Variants in CWH43 observed in about 807,000 individuals in gnomAD.
The protein encoded by CWH43 is cell wall biogenesis 43 C-terminal homolog, also known as PGAP2-interacting protein.
In CWH43, 91 loss-of-function variants were observed where a neutral mutation model predicts 85.7. The ratio of observed to expected loss-of-function variants is 1.06; its 90% CI spans 0.90 to 1.26. The LOEUF (loss-of-function observed/expected upper bound fraction) is 1.26, where lower values mean the gene tolerates loss of function less well. Ranked by LOEUF, CWH43 falls within the 50% of genes most tolerant of loss-of-function variation. The pLI, the probability that CWH43 is intolerant of heterozygous loss-of-function variation, is 0.00. For missense variants in CWH43, 869 were observed against 839.2 expected, an observed-to-expected ratio of 1.04 and a Z score of -0.44; for synonymous variants, 323 against 293.6, an observed-to-expected ratio of 1.10 and a Z score of -1.02.
chr4:48,988,328 C>T, intron 1 of CWH43, 149 bp from the exon 2 acceptor site: 2 of 473,946 alleles, frequency 4.2e-6, no homozygotes, highest in Non-Finnish European at 7.3e-6. Context: ...TGTTTTGTTC[C>T]ATGTCAGTGG....
intron 6 of CWH43, among the ~76,000 whole-genome samples, chr4:49,002,657 A>G (rs1783026712): frequency 6.6e-6 from 1 of 152,208 alleles, no homozygotes; most frequent in African/African-American, 2.4e-5. Flanking sequence ...GAATCTAGGT[A>G]TTTGAAATCT....
chr4:48,997,019 T>C (rs1268290980), intron 5 of CWH43, among the ~76,000 whole-genome samples: 2 of 152,242 alleles, frequency 1.3e-5, no homozygotes, highest in Non-Finnish European at 2.9e-5. Context: ...TCCCTTTCTT[T>C]GTGCTTCACA....
intron 8 of CWH43, among the ~76,000 whole-genome samples, chr4:49,007,861 C>CA (rs1553913720): frequency 6.6e-6 from 1 of 152,170 alleles, no homozygotes; most frequent in Non-Finnish European, 1.5e-5. Context: ...TTTCTTAATC[C>CA]AGTCTATCAT....
chr4:49,031,313 C>T (rs1482325609), intron 11 of CWH43: 3 of 174,420 alleles, frequency 1.7e-5, no homozygotes, highest in Non-Finnish European at 3.6e-5. Flanking sequence ...TCATGATAAG[C>T]GCTGTGTAGA....
At chr4:49,051,671 G>T (rs1356009516) in intron 15 of CWH43, among the ~76,000 whole-genome samples, 3 of 152,050 alleles carry the variant, frequency 2.0e-5, no homozygotes, top group Non-Finnish European at 4.4e-5. Context: ...CTGCCTCCTG[G>T]GTTAAAGCAA....
intron 13 of CWH43, among the ~76,000 whole-genome samples, chr4:49,041,201 G>A (rs1198276899): frequency 2.6e-5 from 4 of 152,090 alleles, no homozygotes; most frequent in Non-Finnish European, 5.9e-5. Flanking sequence ...TTGTTCTTTT[G>A]GCTTAGGATT....
At chr4:49,042,137 T>C (rs534238445) in intron 13 of CWH43, among the ~76,000 whole-genome samples, 4 of 152,290 alleles carry the variant, frequency 2.6e-5, no homozygotes, top group South Asian at 2.1e-4. Flanking sequence ...GTCTGCTCCA[T>C]GCAGGATCAG....
intron 13 of CWH43, among the ~76,000 whole-genome samples, chr4:49,043,101 G>T (rs1209735278): frequency 6.6e-6 from 1 of 152,062 alleles, no homozygotes; most frequent in East Asian, 1.9e-4. Context: ...GTGTGACCTT[G>T]GGGAAAGTTA....
chr4:49,013,602 C>T (rs1382783296), intron 8 of CWH43, among the ~76,000 whole-genome samples: 1 of 150,976 alleles, frequency 6.6e-6, no homozygotes, highest in Admixed American at 6.7e-5. Context: ...CAGAACAGAG[C>T]TGTTCCTATT....
At position 49,007,238 on chromosome 4, in the gene CWH43, T is replaced by C; in HGVS notation, c.1098T>C (p.Phe366=). Residue 366 remains phenylalanine (F), a synonymous_variant, in exon 8 of 16, where the codon TTT becomes TTC. Coordinates refer to ENST00000226432, the MANE Select transcript of CWH43 (RefSeq NM_025087.3). Reference sequence around the variant, plus strand: ...TAATTATCGGGCTGAATATGCTATTTGGTCCTAAGAAAAACCTTGACTTGC... The same window carrying C: ...TAATTATCGGGCTGAATATGCTATTCGGTCCTAAGAAAAACCTTGACTTGC... The part of the protein sequence containing the change: ...MMLIIGLNML[F]GPKKNLDLLL... 3 of 1,611,916 alleles carry C rather than the reference T, an allele frequency of 1.9e-6. No homozygotes were observed. Among genetic ancestry groups the C allele is most frequent in the Non-Finnish European group, 2.5e-6 (3 of 1,178,974 alleles).
chr4:49,014,290 A>C lies in CWH43; in HGVS notation c.1187-2959A>C, dbSNP rs180916017. On this transcript the variant is annotated intron_variant, in intron 8 of 15. Coordinates refer to ENST00000226432, the MANE Select transcript of CWH43 (RefSeq NM_025087.3). ...CAATGTAGTGAGACCCCATCTCTAC[A>C]AAAAATTTAAAAATCAGCCATTTGT... is the stretch of plus-strand genomic sequence containing the variant. Among the ~76,000 whole-genome samples the C allele has an allele frequency of 1.2e-4, 18 of 152,080 alleles. No homozygotes were observed. In the East Asian group the frequency reaches 3.5e-3, roughly 29 times the overall value.
At chr4:48,996,282 ATG>A (rs1782809803) in intron 5 of CWH43, among the ~76,000 whole-genome samples, 1 of 147,566 alleles carries the variant, frequency 6.8e-6, no homozygotes, top group East Asian at 2.0e-4. Flanking sequence ...ATTTTTATAT[ATG>A]TGTTATATAT....
At chr4:49,022,002 C>T (rs140727596) in intron 9 of CWH43, among the ~76,000 whole-genome samples, 52 of 152,118 alleles carry the variant, frequency 3.4e-4, no homozygotes, top group Non-Finnish European at 5.7e-4. Context: ...CTGCAAACAG[C>T]GACAATTTGA....
At chr4:49,034,454 G>C (rs1265284546) in intron 12 of CWH43, among the ~76,000 whole-genome samples, 2 of 152,100 alleles carry the variant, frequency 1.3e-5, no homozygotes, top group Non-Finnish European at 2.9e-5. Flanking sequence ...CTAAAAGAGA[G>C]CCCTAGGAAT....
intron 2 of CWH43, among the ~76,000 whole-genome samples, chr4:48,989,040 G>A (rs2109737332): frequency 6.6e-6 from 1 of 152,222 alleles, no homozygotes; most frequent in South Asian, 2.1e-4. Context: ...AAATTATGAT[G>A]AAAAACACCA....
intron 9 of CWH43, among the ~76,000 whole-genome samples, chr4:49,020,131 A>G (rs1423293572): frequency 2.6e-5 from 4 of 151,910 alleles, no homozygotes; most frequent in African/African-American, 4.8e-5. Context: ...ACTGTACCCA[A>G]TTTGTAGTCT....
intron 11 of CWH43, 133 bp from the exon 12 acceptor site, chr4:49,032,433 C>G (rs1184470619): frequency 7.5e-6 from 7 of 930,046 alleles, no homozygotes; most frequent in Non-Finnish European, 1.2e-5. Flanking sequence ...AAGTCTCTGC[C>G]GCATTGCTTT....
chr4:49,054,176 T>A (rs1019947177), intron 15 of CWH43, among the ~76,000 whole-genome samples: 13 of 152,168 alleles, frequency 8.5e-5, no homozygotes, highest in African/African-American at 3.1e-4. Context: ...TTTGAGTTGA[T>A]TTTTGTATAT....
In CWH43 at chr4:49,003,991, G is replaced by T; in HGVS notation, c.1059G>T (p.Leu353Phe). The change falls in exon 7 of 16, where the codon TTG (leucine) becomes TTT (phenylalanine). Residue 353 changes from leucine to phenylalanine, a missense_variant and splice_region_variant. By Grantham distance (22) the Leu-to-Phe change is conservative. This residue lies in a region of CWH43 where 577 missense variants were observed against 513.1 expected (regional missense o/e 1.12). Transcript: ENST00000226432. Reference protein sequence around the residue: ...VYARERSDVLLGTMMLIIGLN... With the variant: ...VYARERSDVLFGTMMLIIGLN... The stretch of plus-strand genomic sequence containing the variant: ...CTAGAGAAAGATCAGATGTGCTTTT[G>T]GGTGAGTACATTTGAAAGGTCTGGA... The T allele has an allele frequency of 6.2e-7, 1 of 1,607,424 alleles. No individual in the cohort carries two copies. Among genetic ancestry groups the T allele is most frequent in the South Asian group, 1.1e-5 (1 of 90,728 alleles).
Sources: gnomAD v4.1 joint callset for allele counts (sites outside exome capture counted in the v4.1 genomes callset) on GRCh38, gnomAD v4.1.1 for gene constraint, gnomAD v4.1.1 regional missense constraint, MANE v1.5 for transcripts, NCBI Gene and HGNC (gene_info 2026-07-23, HGNC 2026-07-21) for gene names.